Variants in SLCO5A1 observed in about 807,000 individuals in gnomAD.
SLCO5A1 encodes solute carrier organic anion transporter family member 5A1, also known as organic anion transporter polypeptide-related protein 4.
A neutral mutation model predicts 65.1 loss-of-function variants in SLCO5A1; 39 were observed. The ratio of observed to expected loss-of-function variants is 0.60; its 90% CI spans 0.46 to 0.78. The LOEUF (loss-of-function observed/expected upper bound fraction) is 0.78, where lower values mean the gene tolerates loss of function less well. Ranked by LOEUF, SLCO5A1 falls within the 30% of genes least tolerant of loss-of-function variation. The pLI, the probability that SLCO5A1 is intolerant of heterozygous loss-of-function variation, is 0.00. For missense variants in SLCO5A1, 1,029 were observed against 1,069.4 expected, an observed-to-expected ratio of 0.96 and a Z score of 0.53; for synonymous variants, 438 against 415.7, an observed-to-expected ratio of 1.05 and a Z score of -0.65.
intron 6 of SLCO5A1, among the ~76,000 whole-genome samples, chr8:69,686,624 T>C (rs778707745): frequency 3.7e-4 from 57 of 152,180 alleles, no homozygotes; most frequent in Non-Finnish European, 4.6e-4. Context: ...TTTGAGAGGA[T>C]AGGCACTGCC....
Position 69,827,268 on chromosome 8 carries a change from G to A in SLCO5A1, c.907+4499C>T, listed in dbSNP as rs541691048. ...CATATGTAACTAACCTGCACATTGT[G>A]CACATGTACCCTAAAACTTAAAGTA... On this transcript the variant is annotated intron_variant, in intron 2 of 9. Transcript: ENST00000260126. Among the ~76,000 whole-genome samples, 73 of 151,840 alleles carry A rather than the reference G, an allele frequency of 4.8e-4. 1 individual carries two copies. The highest frequency in any genetic ancestry group is 1.7e-3 in the African/African-American group (70 of 41,402).
At chr8:69,744,398 C>T (rs1816935760) in intron 4 of SLCO5A1, among the ~76,000 whole-genome samples, 1 of 152,154 alleles carries the variant, frequency 6.6e-6, no homozygotes, top group South Asian at 2.1e-4. Flanking sequence ...GTATTCCCCA[C>T]CTATCTCCTT....
chr8:69,676,533 C>A, intron 9 of SLCO5A1, 76 bp downstream of exon 9: 1 of 1,271,830 alleles, frequency 7.9e-7, no homozygotes. Flanking sequence ...CATGACTTGC[C>A]ATTTTTAAAG....
intron 5 of SLCO5A1, among the ~76,000 whole-genome samples, chr8:69,737,510 A>G (rs1189875143): frequency 6.6e-6 from 1 of 152,194 alleles, no homozygotes; most frequent in Non-Finnish European, 1.5e-5. Flanking sequence ...ACTAAGTACT[A>G]TGGGTATATG....
At chr8:69,728,086 T>C (rs188229625) in intron 5 of SLCO5A1, among the ~76,000 whole-genome samples, 15 of 152,074 alleles carry the variant, frequency 9.9e-5, no homozygotes, top group Admixed American at 9.8e-4. Flanking sequence ...CACAATAGAG[T>C]ACCGTGCAGC....
At chr8:69,758,017 A>C (rs1398935399) in intron 3 of SLCO5A1, among the ~76,000 whole-genome samples, 2 of 152,188 alleles carry the variant, frequency 1.3e-5, no homozygotes, top group African/African-American at 4.8e-5. Context: ...TGCTTTTCCA[A>C]ATCAGCCTTC....
intron 2 of SLCO5A1, 34 bp from the exon 3 acceptor site, chr8:69,761,909 C>T (rs200275553): frequency 8.5e-5 from 137 of 1,607,346 alleles, no homozygotes; most frequent in Non-Finnish European, 1.1e-4. Context: ...TGAAATACAG[C>T]GACGTTTTAT....
chr8:69,694,946 G>A (rs1040168230), intron 6 of SLCO5A1, among the ~76,000 whole-genome samples: 2 of 152,152 alleles, frequency 1.3e-5, no homozygotes, highest in Non-Finnish European at 2.9e-5. Context: ...AATTTCCGTC[G>A]AGTTCATAAG....
At chr8:69,705,252 A>G in intron 5 of SLCO5A1, 23 bp from the exon 6 acceptor site, 1 of 1,607,572 alleles carries the variant, frequency 6.2e-7, no homozygotes, top group Non-Finnish European at 8.5e-7. Flanking sequence ...GAAGGAGAGG[A>G]TTAATTTGAA....
rs545894122 is a variant in SLCO5A1, at chr8:69,786,026, A to T, written c.908-24151T>A. 4.6e-5 allele frequency among the ~76,000 whole-genome samples: 7 copies of T among 152,348 alleles called. No homozygotes were observed. The South Asian group carries it at 1.4e-3, about 32-fold the overall frequency. On this transcript the variant is annotated intron_variant, in intron 2 of 9. Coordinates refer to ENST00000260126, the MANE Select transcript of SLCO5A1 (RefSeq NM_030958.3). ...TACATTTTATCAAATTCTCAAGGAC[A>T]TTTCTGGAGTAATCTCATCAGTTAT...
chr8:69,729,074 G>T (rs1260863114), intron 5 of SLCO5A1, among the ~76,000 whole-genome samples: 1 of 152,138 alleles, frequency 6.6e-6, no homozygotes, highest in Non-Finnish European at 1.5e-5. Flanking sequence ...AGACTACTGA[G>T]GTAGAGCCAA....
At chr8:69,816,367 A>G (rs1339820344) in intron 2 of SLCO5A1, among the ~76,000 whole-genome samples, 2 of 152,204 alleles carry the variant, frequency 1.3e-5, no homozygotes, top group African/African-American at 4.8e-5. Context: ...TTTGAAACTT[A>G]CAAAGTTTTC....
At chr8:69,777,005 T>C (rs190565977) in intron 2 of SLCO5A1, among the ~76,000 whole-genome samples, 8 of 152,330 alleles carry the variant, frequency 5.3e-5, no homozygotes, top group African/African-American at 1.9e-4. Flanking sequence ...ATTTCAGTAG[T>C]GTCTTAAGGA....
chr8:69,731,008 T>C (rs1451740330), intron 5 of SLCO5A1, among the ~76,000 whole-genome samples: 1 of 152,122 alleles, frequency 6.6e-6, no homozygotes, highest in Admixed American at 6.5e-5. Context: ...GCAATTTTTT[T>C]TTTTTTTGAG....
intron 5 of SLCO5A1, among the ~76,000 whole-genome samples, chr8:69,722,651 T>C (rs1289097683): frequency 1.3e-5 from 2 of 152,300 alleles, no homozygotes; most frequent in Non-Finnish European, 2.9e-5. Flanking sequence ...TCCAGGTCCA[T>C]TGTTCCTTCT....
chr8:69,828,468 G>A (rs1265038930), intron 2 of SLCO5A1, among the ~76,000 whole-genome samples: 3 of 151,984 alleles, frequency 2.0e-5, no homozygotes, highest in Non-Finnish European at 2.9e-5. Context: ...TGGGCGTGGT[G>A]GTGGGCGCCT....
chr8:69,736,602 G>A (rs917041241), intron 5 of SLCO5A1, among the ~76,000 whole-genome samples: 2 of 152,114 alleles, frequency 1.3e-5, no homozygotes, highest in African/African-American at 4.8e-5. Context: ...CAGGTTTCAT[G>A]GTCAAATGAC....
intron 6 of SLCO5A1, among the ~76,000 whole-genome samples, chr8:69,696,139 G>A (rs1247352628): frequency 6.6e-6 from 1 of 152,240 alleles, no homozygotes; most frequent in Non-Finnish European, 1.5e-5. Flanking sequence ...GGTGAGGTAG[G>A]TGTGGTGTTA....
chr8:69,743,774 G>C (rs1416140841), intron 4 of SLCO5A1, among the ~76,000 whole-genome samples: 2 of 152,122 alleles, frequency 1.3e-5, no homozygotes, highest in Non-Finnish European at 1.5e-5. Flanking sequence ...GGACTCAGAG[G>C]TGCTATCTAC....
Sources: allele counts gnomAD v4.1 joint callset (sites outside exome capture counted in the v4.1 genomes callset), GRCh38; gene constraint gnomAD v4.1.1; transcripts MANE v1.5; gene names NCBI Gene and HGNC (gene_info 2026-07-23, HGNC 2026-07-21).